Variants in ALG13 observed in about 807,000 individuals in gnomAD.
The protein encoded by ALG13 is ALG13 UDP-N-acetylglucosaminyltransferase subunit, also known as UDP-N-acetylglucosamine transferase subunit ALG13.
In ALG13, 11 loss-of-function variants were observed where a neutral mutation model predicts 87.8. That is an observed-to-expected ratio of 0.13 (90% confidence interval 0.08 to 0.21). The LOEUF (loss-of-function observed/expected upper bound fraction) is 0.21, where lower values mean the gene tolerates loss of function less well. ALG13 is among the 10% of genes least tolerant of loss of function. The probability of loss-of-function intolerance (pLI) is 1.00; values close to 1 mark genes in which losing one functional copy is unlikely to be tolerated. For synonymous variants in ALG13, 320 were observed against 306.3 expected, an observed-to-expected ratio of 1.04 and a Z score of -0.47; for missense variants, 756 against 866.1, an observed-to-expected ratio of 0.87 and a Z score of 1.60.
chrX:111,696,574 G>T (rs1310766158), intron 3 of ALG13, among the ~76,000 whole-genome samples: 2 of 111,567 alleles, frequency 1.8e-5, no homozygotes, highest in Non-Finnish European at 3.8e-5. Context: ...CATTTAATTG[G>T]TTGAAACGTG....
chrX:111,751,988 G>A (rs1166149868), intron 24 of ALG13, among the ~76,000 whole-genome samples: 1 of 111,845 alleles, frequency 8.9e-6, no homozygotes, highest in East Asian at 2.8e-4. Flanking sequence ...TTGGAGTTCT[G>A]GTGGTGGTAT....
rs952123334 is a variant in ALG13 at position 111,739,116 on chromosome X, T to C, written c.2695+2237T>C. ...GAAAGAGGTTTAATTTACTCACAGTTCTGCATGGCTGAGGAGGCCTCAGGA... is the reference window on the plus strand; with the variant it reads ...GAAAGAGGTTTAATTTACTCACAGTCCTGCATGGCTGAGGAGGCCTCAGGA... On this transcript the variant is annotated intron_variant, in intron 23 of 26. Coordinates refer to ENST00000394780, the MANE Select transcript of ALG13 (RefSeq NM_001099922.3). Among the ~76,000 whole-genome samples the C allele has an allele frequency of 4.5e-5, 5 of 112,132 alleles. No individual in the cohort carries two copies. The Admixed American group carries it at 4.7e-4, about 11-fold the overall frequency.
intron 23 of ALG13, among the ~76,000 whole-genome samples, chrX:111,743,622 A>G (rs1296574103): frequency 8.9e-6 from 1 of 111,768 alleles, no homozygotes; most frequent in Non-Finnish European, 1.9e-5. Flanking sequence ...TAAGATGAGT[A>G]TATTGTTAGT....
At chrX:111,688,592 GATAAA>G (rs1450660762) in intron 3 of ALG13, 39 of 736,510 alleles carry the variant, frequency 5.3e-5, no homozygotes, top group Non-Finnish European at 6.0e-5. Flanking sequence ...CATACAAAGT[GATAAA>G]ATAATCGTGC....
At chrX:111,696,283 T>C (rs2147864003) in intron 3 of ALG13, among the ~76,000 whole-genome samples, 1 of 111,814 alleles carries the variant, frequency 8.9e-6, no homozygotes, top group African/African-American at 3.2e-5. Flanking sequence ...TTAATATTGA[T>C]TACAAATTTT....
At chrX:111,726,262 C>A (rs1293390489) in intron 15 of ALG13, among the ~76,000 whole-genome samples, 1 of 75,446 alleles carries the variant, frequency 1.3e-5, no homozygotes, top group Non-Finnish European at 2.3e-5. Context: ...TTGAGACAGT[C>A]TCACTCTGTC....
At chrX:111,752,866 A>G (rs1319484295) in intron 25 of ALG13, 36 bp downstream of exon 25, 3 of 1,096,676 alleles carry the variant, frequency 2.7e-6, no homozygotes, top group Admixed American at 2.3e-5. Context: ...GATAAGCCCT[A>G]TTTTCAAAGT....
intron 13 of ALG13, 128 bp downstream of exon 13, chrX:111,722,985 A>G (rs1275480430): frequency 1.7e-5 from 8 of 463,964 alleles, no homozygotes; most frequent in African/African-American, 1.5e-4. Context: ...GATAGGGTCT[A>G]GCTCTGTTGC....
Position 111,759,959 on chromosome X carries a change from C to G in ALG13, c.3374C>G (p.Pro1125Arg), listed in dbSNP as rs1191163754. Residue 1125 changes from proline (P) to arginine (R), a missense_variant, in exon 27 of 27, where the codon CCA becomes CGA. This residue lies in a region of ALG13 where 110 missense variants were observed against 104.9 expected (regional missense o/e 1.05). Transcript: ENST00000394780. Reference protein sequence around the residue: ...INPGPIGCIAPSPPASHYVPQ... With the variant: ...INPGPIGCIARSPPASHYVPQ... ...CCTGGGCCAATTGGCTGTATTGCTC[C>G]ATCTCCCCCAGCTTCTCATTATGTA... 8.3e-7 allele frequency: 1 copy of G among 1,210,882 alleles called. No individual in the cohort carries two copies. The highest frequency in any genetic ancestry group is 1.1e-6 in the Non-Finnish European group (1 of 895,143).
chrX:111,740,251 CTA>C (rs1943626232), intron 23 of ALG13, among the ~76,000 whole-genome samples: 1 of 110,904 alleles, frequency 9.0e-6, no homozygotes, highest in South Asian at 3.8e-4. Context: ...TATTCCGAGA[CTA>C]TGTAATGTGG....
Position 111,759,769 on chromosome X carries a change from C to T in ALG13, c.3184C>T (p.His1062Tyr), listed in dbSNP as rs750471213. The T allele has an allele frequency of 1.7e-6, 2 of 1,206,286 alleles. No homozygotes were observed. Among genetic ancestry groups the T allele is most frequent in the South Asian group, 3.6e-5 (2 of 56,204 alleles). Reference sequence around the variant, plus strand: ...GAATGCTGATTCTTCATCTGTCCCTCATGGAGCAGTCTATTATCCAGTAAT... The same window carrying T: ...GAATGCTGATTCTTCATCTGTCCCTTATGGAGCAGTCTATTATCCAGTAAT... ...FPNADSSSVP[H>Y]GAVYYPVMSD... Residue 1062 changes from histidine to tyrosine, a missense_variant, in exon 27 of 27, where the codon CAT (histidine) becomes TAT (tyrosine). Around this residue, in one of 9 missense-constraint regions of ALG13, gnomAD observed 110 missense variants for 104.9 expected, o/e 1.05. Transcript: ENST00000394780.
At chrX:111,731,109 G>A (rs1304245038) in intron 21 of ALG13, among the ~76,000 whole-genome samples, 1 of 112,021 alleles carries the variant, frequency 8.9e-6, no homozygotes, top group Non-Finnish European at 1.9e-5. Context: ...ACAGCGCTAA[G>A]AACTATATCA....
At chrX:111,733,981 A>G (rs899065255) in intron 21 of ALG13, among the ~76,000 whole-genome samples, 2 of 111,602 alleles carry the variant, frequency 1.8e-5, no homozygotes, top group African/African-American at 6.5e-5. Flanking sequence ...TCATGTCCTT[A>G]GCTCACTTTT....
chrX:111,727,581 AT>A (rs1194540420), intron 17 of ALG13, 32 bp from the exon 18 acceptor site: 1 of 1,168,173 alleles, frequency 8.6e-7, no homozygotes, highest in Non-Finnish European at 1.1e-6. Context: ...ATATTTCATC[AT>A]TTTTACTTTT....
intron 3 of ALG13, chrX:111,689,010 A>C: frequency 1.4e-6 from 1 of 735,936 alleles, no homozygotes; most frequent in Non-Finnish European, 1.6e-6. Context: ...CAACATGCTA[A>C]ATGTTCCAAA....
In ALG13 at chrX:111,744,808, G is replaced by C. The variant is rs1239531291; in HGVS notation, c.2836G>C (p.Ala946Pro). ...TCCTCCTCCTCCTCCTCCTCCTCCTGCTCTTGATGTGGGAGAGACTTCAAA... is the reference window on the plus strand; with the variant it reads ...TCCTCCTCCTCCTCCTCCTCCTCCTCCTCTTGATGTGGGAGAGACTTCAAA... ...PPPPPPPPPP[A>P]LDVGETSNLQ... The change falls in exon 24 of 27, where the codon GCT (alanine) becomes CCT (proline). Residue 946 changes from alanine (A) to proline (P), a missense_variant. Transcript: ENST00000394780. 1.8e-6 allele frequency: 2 copies of C among 1,104,562 alleles called. No homozygotes were observed. Among genetic ancestry groups the C allele is most frequent in the East Asian group, 3.4e-5 (1 of 29,814 alleles). The allele number at this position is 1,104,562 out of a possible 1,213,427, so 91.0% of individuals were successfully genotyped here. A position where few individuals can be genotyped will look rare whatever the true frequency, so the allele number is the denominator to read the frequency against.
intron 24 of ALG13, among the ~76,000 whole-genome samples, chrX:111,749,363 A>G (rs1018462575): frequency 2.7e-5 from 3 of 110,733 alleles, no homozygotes; most frequent in African/African-American, 9.9e-5. Context: ...GACTGTTTTA[A>G]GTGCAGGTCT....
chrX:111,739,860 GCTA>G (rs934036508), intron 23 of ALG13, among the ~76,000 whole-genome samples: 6 of 112,428 alleles, frequency 5.3e-5, no homozygotes, highest in African/African-American at 1.9e-4. Context: ...GTGGCTAGTA[GCTA>G]CTGTATTGGA....
intron 25 of ALG13, chrX:111,757,134 A>G (rs959657040): frequency 8.9e-6 from 1 of 112,972 alleles, no homozygotes; most frequent in African/African-American, 3.2e-5. Flanking sequence ...ACAATTTTGT[A>G]TTTTACAAAC....
Sources: gnomAD v4.1 joint callset for allele counts (sites outside exome capture counted in the v4.1 genomes callset) on GRCh38, gnomAD v4.1.1 for gene constraint, gnomAD v4.1.1 regional missense constraint, MANE v1.5 for transcripts, NCBI Gene and HGNC (gene_info 2026-07-23, HGNC 2026-07-21) for gene names.